Variants in SUMF1 observed in about 807,000 individuals in gnomAD.
SUMF1 encodes formylglycine-generating enzyme.
Under a neutral mutation model 47.6 loss-of-function variants are expected in SUMF1, and 48 were observed. The observed-to-expected ratio is 1.01, with a 90% CI of 0.80 to 1.28. The LOEUF (loss-of-function observed/expected upper bound fraction) is 1.28, where lower values mean the gene tolerates loss of function less well. Ranked by LOEUF, SUMF1 falls within the 50% of genes most tolerant of loss-of-function variation. SUMF1 has a pLI of 0.00. For synonymous variants in SUMF1, 230 were observed against 192.1 expected (o/e 1.20, Z -1.63); for missense variants, 571 against 485.4 (o/e 1.18, Z -1.66).
At chr3:4,390,985 G>T (rs1358447222) in intron 7 of SUMF1, among the ~76,000 whole-genome samples, 2 of 152,202 alleles carry the variant, frequency 1.3e-5, no homozygotes, top group Non-Finnish European at 1.5e-5. Flanking sequence ...AGAACCAGGA[G>T]TCAAACCTCC....
At chr3:4,198,133 C>T (rs1035088976) in intron 8 of SUMF1, among the ~76,000 whole-genome samples, 1 of 150,654 alleles carries the variant, frequency 6.6e-6, no homozygotes, top group African/African-American at 2.4e-5. Context: ...TCTATATTAC[C>T]TAAGAGGTAT....
At chr3:4,353,313 C>T (rs879444244) in intron 8 of SUMF1, among the ~76,000 whole-genome samples, 9 of 152,132 alleles carry the variant, frequency 5.9e-5, no homozygotes, top group African/African-American at 7.2e-5. Context: ...AGTACAGTGG[C>T]GTGATCTCCG....
At chr3:4,380,577 G>C (rs1700472382) in intron 7 of SUMF1, among the ~76,000 whole-genome samples, 1 of 152,126 alleles carries the variant, frequency 6.6e-6, no homozygotes, top group East Asian at 1.9e-4. Context: ...CACTTAAAAT[G>C]AAAGTTGGAA....
At chr3:4,090,076 C>T (rs918767164) in intron 8 of SUMF1, among the ~76,000 whole-genome samples, 9 of 152,138 alleles carry the variant, frequency 5.9e-5, no homozygotes, top group African/African-American at 2.2e-4. Context: ...CAGGTATTCC[C>T]AGCACTAGCA....
chr3:4,267,618 A>T (rs1209025441), intron 8 of SUMF1, among the ~76,000 whole-genome samples: 1 of 152,074 alleles, frequency 6.6e-6, no homozygotes, highest in African/African-American at 2.4e-5. Context: ...TTATGCAGCC[A>T]AAAAACACAT....
At chr3:4,138,624 A>G (rs1295855719) in intron 8 of SUMF1, among the ~76,000 whole-genome samples, 1 of 152,162 alleles carries the variant, frequency 6.6e-6, no homozygotes, top group East Asian at 1.9e-4. Context: ...ATTGTCACAC[A>G]TCACAGCTAG....
intron 8 of SUMF1, among the ~76,000 whole-genome samples, chr3:4,128,525 T>A (rs1574907915): frequency 6.6e-6 from 1 of 152,122 alleles, no homozygotes; most frequent in Non-Finnish European, 1.5e-5. Flanking sequence ...TGGCCTCCCC[T>A]GAGGCAGCTG....
At chr3:4,198,225 T>C (rs146721438) in intron 8 of SUMF1, among the ~76,000 whole-genome samples, 2 of 152,122 alleles carry the variant, frequency 1.3e-5, no homozygotes, top group African/African-American at 2.4e-5. Context: ...GATTCTTTCA[T>C]GTCTCTTGTT....
intron 8 of SUMF1, among the ~76,000 whole-genome samples, chr3:4,104,926 C>T (rs1194877397): frequency 1.3e-5 from 2 of 152,018 alleles, no homozygotes; most frequent in African/African-American, 2.4e-5. Flanking sequence ...ACCTACATTC[C>T]CATGTTCATT....
intron 8 of SUMF1, among the ~76,000 whole-genome samples, chr3:4,087,792 A>G (rs1454273980): frequency 6.6e-6 from 1 of 152,122 alleles, no homozygotes; most frequent in Non-Finnish European, 1.5e-5. Flanking sequence ...TCTAAATTAG[A>G]AGGTCACCAT....
chr3:4,217,745 T>C (rs1325175075), intron 8 of SUMF1, among the ~76,000 whole-genome samples: 1 of 102,700 alleles, frequency 9.7e-6, no homozygotes, highest in Non-Finnish European at 2.1e-5. Context: ...ACCACAAAAT[T>C]TCTTAGCTAT....
chr3:4,081,032 C>T (rs764459422), intron 8 of SUMF1, among the ~76,000 whole-genome samples: 1 of 152,132 alleles, frequency 6.6e-6, no homozygotes, highest in Non-Finnish European at 1.5e-5. Context: ...GGACTCAATA[C>T]ACATTAAGCG....
chr3:4,260,622 C>T (rs1423919928), intron 8 of SUMF1, among the ~76,000 whole-genome samples: 8 of 152,064 alleles, frequency 5.3e-5, no homozygotes, highest in Non-Finnish European at 1.2e-4. Flanking sequence ...GTGGTCCCAG[C>T]TACTCAGAAG....
intron 8 of SUMF1, among the ~76,000 whole-genome samples, chr3:4,239,613 T>C (rs1161438086): frequency 2.6e-5 from 4 of 152,188 alleles, no homozygotes; most frequent in Admixed American, 6.5e-5. Context: ...TTTCTGCACA[T>C]TGATTTTGTA....
intron 4 of SUMF1, 23 bp from the exon 5 acceptor site, chr3:4,418,155 T>C (rs1167503741): frequency 1.9e-6 from 3 of 1,613,830 alleles, no homozygotes; most frequent in Non-Finnish European, 2.5e-6. Flanking sequence ...AAAAGTAGAA[T>C]GAAAAGTGAC....
intron 8 of SUMF1, among the ~76,000 whole-genome samples, chr3:4,165,810 T>A (rs199746671): frequency 2.0e-5 from 3 of 149,856 alleles, no homozygotes; most frequent in Non-Finnish European, 4.4e-5. Flanking sequence ...TGTTGATGCC[T>A]GAGTGTTTCC....
intron 8 of SUMF1, among the ~76,000 whole-genome samples, chr3:4,320,324 G>A (rs1210219869): frequency 6.6e-6 from 1 of 152,186 alleles, no homozygotes; most frequent in East Asian, 1.9e-4. Context: ...CTGCAAGTAA[G>A]CAGTTCCTAG....
intron 9 of SUMF1, among the ~76,000 whole-genome samples, chr3:4,049,965 T>C (rs1695075796): frequency 6.6e-6 from 1 of 151,840 alleles, no homozygotes; most frequent in South Asian, 2.1e-4. Context: ...CAGTAGCCAA[T>C]CTCCTCTCTG....
chr3:4,433,072 T>C (rs1304621534), intron 3 of SUMF1, among the ~76,000 whole-genome samples: 2 of 152,208 alleles, frequency 1.3e-5, no homozygotes, highest in Non-Finnish European at 2.9e-5. Context: ...CCATTCCAAA[T>C]TCTTATTTTT....
Sources: gnomAD v4.1 joint callset for allele counts (sites outside exome capture counted in the v4.1 genomes callset) on GRCh38, gnomAD v4.1.1 for gene constraint, MANE v1.5 for transcripts, NCBI Gene and HGNC (gene_info 2026-07-23, HGNC 2026-07-21) for gene names.